The following TUFT1 variants were observed in gnomAD, a reference collection of about 807,000 sequenced individuals.
TUFT1 encodes tuftelin 1, also known as tuftelin.
In TUFT1, 43 loss-of-function variants were observed where a neutral mutation model predicts 57.8. The ratio of observed to expected loss-of-function variants is 0.74; its 90% CI spans 0.58 to 0.96. TUFT1 has a LOEUF of 0.96. TUFT1 is among the 40% of genes least tolerant of loss of function. The pLI, the probability that TUFT1 is intolerant of heterozygous loss-of-function variation, is 0.00. For missense variants in TUFT1, 459 were observed against 489.0 expected, an observed-to-expected ratio of 0.94 and a Z score of 0.58; for synonymous variants, 166 against 176.7, an observed-to-expected ratio of 0.94 and a Z score of 0.48.
At chr1:151,564,059 C>A in intron 4 of TUFT1, 69 bp downstream of exon 4, 3 of 1,308,196 alleles carry the variant, frequency 2.3e-6, no homozygotes, top group Non-Finnish European at 2.2e-6. Context: ...TTGTGACTGT[C>A]TTCTTTTGTG....
At chr1:151,558,524 T>G (rs1665786365) in intron 1 of TUFT1, among the ~76,000 whole-genome samples, 1 of 152,078 alleles carries the variant, frequency 6.6e-6, no homozygotes, top group Non-Finnish European at 1.5e-5. Context: ...TTTTGAAAAT[T>G]TTTGGTCATT....
intron 6 of TUFT1, among the ~76,000 whole-genome samples, chr1:151,568,960 C>G (rs940485838): frequency 1.3e-5 from 2 of 152,216 alleles, no homozygotes; most frequent in Non-Finnish European, 2.9e-5. Flanking sequence ...GACTGGGACA[C>G]TGTCTTCCTC....
intron 1 of TUFT1, among the ~76,000 whole-genome samples, chr1:151,556,794 G>GC (rs894687379): frequency 1.3e-5 from 2 of 152,106 alleles, no homozygotes; most frequent in Admixed American, 6.5e-5. Flanking sequence ...ACATGGTGAA[G>GC]CCCCCTCTAT....
chr1:151,569,750 T>A lies in TUFT1; in HGVS notation c.574T>A (p.Ser192Thr), dbSNP rs1457617810. ...TCAGGAGGCCAAGCGGCAACACCAGTCAGACTGTGTGGCTTTTGAGGTGAG... is the reference window on the plus strand; with the variant it reads ...TCAGGAGGCCAAGCGGCAACACCAGACAGACTGTGTGGCTTTTGAGGTGAG... ...KLQEAKRQHQSDCVAFEVTLS... is the reference protein window; with the variant it reads ...KLQEAKRQHQTDCVAFEVTLS... The change falls in exon 7 of 13, where the codon TCA becomes ACA. Residue 192 changes from serine (S) to threonine (T), a missense_variant. Transcript: ENST00000368849. 6.2e-7 allele frequency: 1 copy of A among 1,613,898 alleles called. No homozygotes were observed. Among genetic ancestry groups the A allele is most frequent in the Non-Finnish European group, 8.5e-7 (1 of 1,179,854 alleles).
At chr1:151,560,090 C>T (rs538490621) in intron 1 of TUFT1, among the ~76,000 whole-genome samples, 5 of 151,176 alleles carry the variant, frequency 3.3e-5, no homozygotes, top group South Asian at 2.1e-4. Context: ...GCCAGCACAC[C>T]GGCAATATTT....
intron 1 of TUFT1, among the ~76,000 whole-genome samples, chr1:151,553,424 G>A (rs1665573411): frequency 6.6e-6 from 1 of 152,124 alleles, no homozygotes; most frequent in Admixed American, 6.6e-5. Context: ...TAGAAAGAGA[G>A]GTGGAAAGTC....
Position 151,551,602 on chromosome 1 carries a change from C to G in TUFT1, c.61-10489C>G, listed in dbSNP as rs560491571. On this transcript the variant is annotated intron_variant, in intron 1 of 12. Coordinates refer to ENST00000368849, the MANE Select transcript of TUFT1 (RefSeq NM_020127.3). ...GCAAGGGAGGAGAGGATACCCCGGT[C>G]GGAGAAAGCAACATGCGCACCTCTG... Among the ~76,000 whole-genome samples, 4 of 151,922 alleles carry G rather than the reference C, an allele frequency of 2.6e-5. No homozygotes were observed. In the East Asian group the frequency reaches 7.7e-4, roughly 29 times the overall value.
At chr1:151,548,395 C>T (rs1665410422) in intron 1 of TUFT1, among the ~76,000 whole-genome samples, 1 of 151,812 alleles carries the variant, frequency 6.6e-6, no homozygotes, top group Non-Finnish European at 1.5e-5. Context: ...CTCCACCTCC[C>T]AGGTTCAAGT....
In TUFT1 at chr1:151,562,665, T is replaced by G; in HGVS notation, c.216T>G (p.Asp72Glu). Residue 72 changes from aspartate (D) to glutamate (E), a missense_variant, in exon 3 of 13, where the codon GAT (aspartate) becomes GAG (glutamate). Coordinates refer to ENST00000368849, the MANE Select transcript of TUFT1 (RefSeq NM_020127.3). Reference sequence around the variant, plus strand: ...CTTCAGAACTGGTGGAGTCCCATGATGGACATGAGGAGATCATTAAGGTAA... The same window carrying G: ...CTTCAGAACTGGTGGAGTCCCATGAGGGACATGAGGAGATCATTAAGGTAA... ...SLASELVESH[D>E]GHEEIIKVYL... The G allele has an allele frequency of 6.2e-7, 1 of 1,613,464 alleles. No homozygotes were observed. The highest frequency in any genetic ancestry group is 1.1e-5 in the South Asian group (1 of 91,026).
At chr1:151,574,092 G>A (rs1666358717) in intron 7 of TUFT1, among the ~76,000 whole-genome samples, 178 bp from the exon 8 acceptor site, 1 of 152,142 alleles carries the variant, frequency 6.6e-6, no homozygotes, top group Non-Finnish European at 1.5e-5. Context: ...ACACCCTGCT[G>A]GAGTGCTGAG....
At chr1:151,563,512 C>T (rs1228862710) in intron 3 of TUFT1, among the ~76,000 whole-genome samples, 1 of 152,146 alleles carries the variant, frequency 6.6e-6, no homozygotes, top group East Asian at 1.9e-4. Context: ...ATAGGGTACA[C>T]CATACAGCCT....
At position 151,567,691 on chromosome 1, in the gene TUFT1, G is replaced by A. The variant is rs536233491; in HGVS notation, c.480+1463G>A. 5.9e-5 allele frequency among the ~76,000 whole-genome samples: 9 copies of A among 151,992 alleles called. 1 individual carries two copies. Among genetic ancestry groups the A allele is most frequent in the East Asian group, 3.9e-4 (2 of 5,142 alleles). On this transcript the variant is annotated intron_variant, in intron 6 of 12. Transcript: ENST00000368849. ...GTACTGAGTAGCTGGGACTACTGGC[G>A]TGAGCCACCACGCCTGGCTAATTTT...
At position 151,569,675 on chromosome 1, in the gene TUFT1, G is replaced by C. The variant is rs768056790; in HGVS notation, c.499G>C (p.Glu167Gln). Residue 167 changes from glutamate to glutamine, a missense_variant, in exon 7 of 13, where the codon GAG (glutamate) becomes CAG (glutamine). Coordinates refer to ENST00000368849, the MANE Select transcript of TUFT1 (RefSeq NM_020127.3). ...GCTGTAGGTGGACACCTGTATAAAT[G>C]AGGATGTTGAGAGCTTGAGGAAGAC... ...SPPEVDTCIN[E>Q]DVESLRKTVQ... 35 of 1,613,756 alleles carry C rather than the reference G, an allele frequency of 2.2e-5. 3 individuals are homozygous for C. The South Asian group carries it at 3.3e-4, about 15-fold the overall frequency.
chr1:151,580,677 A>G (rs1476364695), intron 11 of TUFT1, among the ~76,000 whole-genome samples: 1 of 151,410 alleles, frequency 6.6e-6, no homozygotes. Context: ...AAAAAAAAAA[A>G]AAAAAAGAAC....
chr1:151,578,696 T>G (rs1189094587), intron 9 of TUFT1, 25 bp from the exon 10 acceptor site: 6 of 1,536,728 alleles, frequency 3.9e-6, no homozygotes, highest in Non-Finnish European at 5.3e-6. Context: ...TTCCATTGCC[T>G]CAGCCTTCTG....
chr1:151,564,518 C>T lies in TUFT1; in HGVS notation c.325-7C>T. 6.2e-7 allele frequency: 1 copy of T among 1,613,118 alleles called. No homozygotes were observed. The highest frequency in any genetic ancestry group is 8.5e-7 in the Non-Finnish European group (1 of 1,179,248). ...TAAAGCTCAAGTTTCTTCCCCTCCC[C>T]TCCCAGGCCAGGAACTGCCTACAGA... On this transcript the variant is annotated splice_polypyrimidine_tract_variant and splice_region_variant and intron_variant, in intron 4 of 12. Coordinates refer to ENST00000368849, the MANE Select transcript of TUFT1 (RefSeq NM_020127.3).
At position 151,540,373 on chromosome 1, in the gene TUFT1, G is replaced by C. The variant is rs868801355; in HGVS notation, c.7G>C (p.Gly3Arg). MN[G>R]TRNWCTLVDV... The stretch of plus-strand genomic sequence containing the variant: ...GCTGCGACCCCGAGGGAAGATGAAC[G>C]GGACGCGGAACTGGTGTACCCTGGT... Residue 3 changes from glycine (G) to arginine (R), a missense_variant, in exon 1 of 13, where the codon GGG (glycine) becomes CGG (arginine). Physicochemically the swap from Gly to Arg is moderately radical, Grantham distance 125. Coordinates refer to ENST00000368849, the MANE Select transcript of TUFT1 (RefSeq NM_020127.3). The C allele has an allele frequency of 1.9e-6, 3 of 1,614,148 alleles. No individual in the cohort carries two copies. Among genetic ancestry groups the C allele is most frequent in the Middle Eastern group, 1.7e-4 (1 of 6,060 alleles).
chr1:151,556,923 G>A (rs12217027), intron 1 of TUFT1, among the ~76,000 whole-genome samples: 42,234 of 151,968 alleles, frequency 0.28, 6,872 homozygotes, highest in East Asian at 0.62. Context: ...GCAGTGAGCC[G>A]AGATTGCGTC....
intron 9 of TUFT1, among the ~76,000 whole-genome samples, chr1:151,576,872 G>A (rs766646732): frequency 1.3e-5 from 2 of 152,094 alleles, no homozygotes; most frequent in Non-Finnish European, 2.9e-5. Flanking sequence ...CAATCTGCCC[G>A]CCTTGACCTC....
Sources: gnomAD v4.1 joint callset for allele counts (sites outside exome capture counted in the v4.1 genomes callset) on GRCh38, gnomAD v4.1.1 for gene constraint, MANE v1.5 for transcripts, NCBI Gene and HGNC (gene_info 2026-07-23, HGNC 2026-07-21) for gene names.